Variants in FBXL14 observed in about 807,000 individuals in gnomAD.
FBXL14 encodes F-box and leucine rich repeat protein 14.
In FBXL14, 11 loss-of-function variants were observed where a neutral mutation model predicts 24.5. That is an observed-to-expected ratio of 0.45 (90% CI 0.28 to 0.74). FBXL14 has a LOEUF of 0.74. FBXL14 is among the 30% of genes least tolerant of loss of function. The probability of loss-of-function intolerance (pLI) is 0.12; values close to 1 mark genes in which losing one functional copy is unlikely to be tolerated. For missense variants in FBXL14, 384 were observed against 545.6 expected (o/e 0.70, Z 2.95); for synonymous variants, 294 against 240.4 (o/e 1.22, Z -2.06).
At chr12:1,566,863 C>G (rs2094437207) in intron 1 of FBXL14, 53 bp from the exon 2 acceptor site, 2 of 776,868 alleles carry the variant, frequency 2.6e-6, no homozygotes, top group Non-Finnish European at 4.8e-6. Flanking sequence ...CCGCACTCTG[C>G]TCTTCCTAAC....
rs796849267 is a variant in FBXL14 at position 1,579,611 on chromosome 12, TAA to T, written c.1195-12803_1195-12802del. On this transcript the variant is annotated intron_variant, in intron 1 of 1. Coordinates refer to ENST00000339235, the MANE Select transcript of FBXL14 (RefSeq NM_152441.3). The surrounding 1 kb of genome is among the most constrained non-coding windows in gnomAD (Gnocchi z 4.3). ...CTCGGTGATAGGGTGAGACTCCATT[TAA>T]AAAAAAAAAAAAATGTAGTTATCAA... 2.8e-4 allele frequency among the ~76,000 whole-genome samples: 39 copies of T among 141,278 alleles called. No homozygotes were observed. The highest frequency in any genetic ancestry group is 8.3e-4 in the African/African-American group (32 of 38,740). 92.7% of individuals were successfully genotyped at this position (141,278 alleles called of 152,430 possible). A position where few individuals can be genotyped will look rare whatever the true frequency, so the allele number is the denominator to read the frequency against.
At chr12:1,573,293 T>C (rs1310392943) in intron 1 of FBXL14, among the ~76,000 whole-genome samples, 2 of 152,116 alleles carry the variant, frequency 1.3e-5, no homozygotes, top group Non-Finnish European at 1.5e-5. Context: ...GGCCTCCTGA[T>C]TTGGGTTACG....
At chr12:1,573,354 C>G (rs1372661104) in intron 1 of FBXL14, among the ~76,000 whole-genome samples, 1 of 152,180 alleles carries the variant, frequency 6.6e-6, no homozygotes, top group Admixed American at 6.5e-5. Context: ...ATACTGTAAG[C>G]TTTGTTAGGC....
intron 1 of FBXL14, among the ~76,000 whole-genome samples, chr12:1,577,804 G>C (rs182225455): frequency 6.6e-6 from 1 of 152,354 alleles, no homozygotes; most frequent in East Asian, 1.9e-4. Context: ...GGGAAAGAGT[G>C]AACTGGGATC....
In FBXL14 at chr12:1,579,413, C is replaced by G. The variant is rs1000112145; in HGVS notation, c.1195-12603G>C. 6.6e-6 allele frequency among the ~76,000 whole-genome samples: 1 copy of G among 151,960 alleles called. No individual in the cohort carries two copies. The highest frequency in any genetic ancestry group is 2.4e-5 in the African/African-American group (1 of 41,378). The stretch of plus-strand genomic sequence containing the variant: ...GGTGGATCACCTGAGGTCAGGAGTT[C>G]AAGACCAGCTATGGTCAACATGGTG... On this transcript the variant is annotated intron_variant, in intron 1 of 1. Coordinates refer to ENST00000339235, the MANE Select transcript of FBXL14 (RefSeq NM_152441.3). The surrounding 1 kb of genome is among the most constrained non-coding windows in gnomAD (Gnocchi z 4.3).
At chr12:1,591,219 C>T (rs1275804501) in intron 1 of FBXL14, among the ~76,000 whole-genome samples, 1 of 152,180 alleles carries the variant, frequency 6.6e-6, no homozygotes, top group South Asian at 2.1e-4. Context: ...CATGAGTTGA[C>T]TCACCCCCAC....
chr12:1,590,069 CAGG>C (rs1238341384), intron 1 of FBXL14, among the ~76,000 whole-genome samples: 2 of 152,140 alleles, frequency 1.3e-5, no homozygotes, highest in African/African-American at 2.4e-5. Flanking sequence ...GTGTAACCTT[CAGG>C]AGTTGTGTCA....
intron 1 of FBXL14, among the ~76,000 whole-genome samples, chr12:1,582,438 G>C (rs1196701095): frequency 6.6e-6 from 1 of 152,034 alleles, no homozygotes; most frequent in African/African-American, 2.4e-5. Flanking sequence ...TCTTGGCTTT[G>C]TGCAGGGTGA....
rs980102874 is a variant in FBXL14, at chr12:1,594,555, G to C, written c.-489C>G. On this transcript the variant is annotated 5_prime_UTR_variant, in exon 1 of 2. Transcript: ENST00000339235. ...GCTCCGGGCGCGGAGGAGGCTTCCT[G>C]CTGCCTTTGTCTCTCGCCCGCTTTT... Among the ~76,000 whole-genome samples, 5 of 148,342 alleles carry C rather than the reference G, an allele frequency of 3.4e-5. No individual in the cohort carries two copies. Among genetic ancestry groups the C allele is most frequent in the African/African-American group, 1.2e-4 (5 of 41,048 alleles).
chr12:1,566,546 A>T lies in FBXL14; in HGVS notation c.*202T>A. On this transcript the variant is annotated 3_prime_UTR_variant, in exon 2 of 2. Coordinates refer to ENST00000339235, the MANE Select transcript of FBXL14 (RefSeq NM_152441.3). ...ATAAAGGAAGCGAGGTCTCAGAGCA[A>T]ACCACTGTCCCCAGAACTGGAGAAA... The T allele has an allele frequency of 2.0e-6, 1 of 495,702 alleles. No individual in the cohort carries two copies. The highest frequency in any genetic ancestry group is 3.6e-6 in the Non-Finnish European group (1 of 278,434). The allele number at this position is 495,702 out of a possible 1,614,324, so 30.7% of individuals were successfully genotyped here.
At chr12:1,572,621 T>C (rs374171255) in intron 1 of FBXL14, among the ~76,000 whole-genome samples, 1,536 of 79,578 alleles carry the variant, frequency 0.019, 30 homozygotes, top group African/African-American at 0.048. Flanking sequence ...CACATACAGG[T>C]CGGGGAAGCG....
intron 1 of FBXL14, among the ~76,000 whole-genome samples, chr12:1,577,418 A>G (rs941680865): frequency 3.7e-4 from 22 of 59,850 alleles, no homozygotes; most frequent in African/African-American, 9.4e-4. Flanking sequence ...GGAATTTTAA[A>G]TAAGGATTTA....
chr12:1,588,706 A>G (rs1214812661), intron 1 of FBXL14, among the ~76,000 whole-genome samples: 1 of 152,174 alleles, frequency 6.6e-6, no homozygotes, highest in African/African-American at 2.4e-5. Context: ...CTTCTAGATG[A>G]TAAGGTTTAC....
At chr12:1,576,631 G>A (rs1007237873) in intron 1 of FBXL14, among the ~76,000 whole-genome samples, 3 of 152,074 alleles carry the variant, frequency 2.0e-5, no homozygotes, top group Non-Finnish European at 4.4e-5. Flanking sequence ...ACTCCCATGG[G>A]GCCTATCTAG....
chr12:1,593,346 T>C lies in FBXL14; in HGVS notation c.721A>G (p.Ile241Val). 6.2e-7 allele frequency: 1 copy of C among 1,613,776 alleles called. No individual in the cohort carries two copies. The change falls in exon 1 of 2, where the codon ATC becomes GTC. Residue 241 changes from isoleucine (I) to valine (V), a missense_variant. By Grantham distance (29) the Ile-to-Val change is conservative (BLOSUM62 3). Transcript: ENST00000339235. The surrounding 1 kb of genome is among the most constrained non-coding windows in gnomAD (Gnocchi z 7.4). ...AGGTGCAGGAGGCCAGCGTCCGAGA[T>C]TCCCCCACAGAAGCTGAGGTTGAGG... The part of the protein sequence containing the change: ...RLLNLSFCGG[I>V]SDAGLLHLSH...
Position 1,594,483 on chromosome 12 carries a change from C to G in FBXL14, c.-417G>C, listed in dbSNP as rs1443753406. 6.8e-6 allele frequency among the ~76,000 whole-genome samples: 1 copy of G among 147,054 alleles called. No individual in the cohort carries two copies. The highest frequency in any genetic ancestry group is 2.1e-4 in the South Asian group (1 of 4,814). On this transcript the variant is annotated 5_prime_UTR_variant, in exon 1 of 2. Transcript: ENST00000339235. ...TCCGCCTCCTGCCGCCGCCGCTGCT[C>G]CGCGGGCCGGCGGGCGGCGAGGGGG...
At chr12:1,591,273 AAAC>A (rs1479968851) in intron 1 of FBXL14, among the ~76,000 whole-genome samples, 3 of 152,058 alleles carry the variant, frequency 2.0e-5, no homozygotes, top group African/African-American at 7.2e-5. Flanking sequence ...TAGAGTATAC[AAAC>A]AACACCTCCT....
In FBXL14 at chr12:1,594,068, T is replaced by C; in HGVS notation, c.-2A>G. 6.8e-7 allele frequency: 1 copy of C among 1,463,294 alleles called. No homozygotes were observed. Among genetic ancestry groups the C allele is most frequent in the African/African-American group, 1.4e-5 (1 of 70,226 alleles). 90.6% of individuals were successfully genotyped at this position (1,463,294 alleles called of 1,614,324 possible). On this transcript the variant is annotated 5_prime_UTR_variant, in exon 1 of 2. Transcript: ENST00000339235. ...CAGGCATGAGATGTGGGTCTCCATC[T>C]TCCTCCTCCCCCCTCCGCGGCGCTG...
rs2094477460 is a variant in FBXL14 at position 1,586,759 on chromosome 12, G to C, written c.1194+6114C>G. Among the ~76,000 whole-genome samples the C allele has an allele frequency of 2.0e-5, 3 of 152,174 alleles. No homozygotes were observed. The South Asian group carries it at 6.2e-4, about 32-fold the overall frequency. ...TTGAGACAGAGAAACCGAACATTGT[G>C]TTATGACTGAGTTCTTCCACAGATC... On this transcript the variant is annotated intron_variant, in intron 1 of 1. Coordinates refer to ENST00000339235, the MANE Select transcript of FBXL14 (RefSeq NM_152441.3).
Sources: allele counts gnomAD v4.1 joint callset (sites outside exome capture counted in the v4.1 genomes callset), GRCh38; gene constraint gnomAD v4.1.1; non-coding constraint Gnocchi (gnomAD v3.1); transcripts MANE v1.5; gene names NCBI Gene and HGNC (gene_info 2026-07-23, HGNC 2026-07-21).